Variants in KICS2 observed in about 807,000 individuals in gnomAD.
KICS2 encodes the protein KICSTOR subunit 2.
KICS2 carries 13 observed loss-of-function variants against 31.4 expected under a neutral mutation model. That is an observed-to-expected ratio of 0.41 (90% CI 0.27 to 0.66). KICS2 has a LOEUF of 0.66. Ranked by LOEUF, KICS2 falls within the 30% of genes least tolerant of loss-of-function variation. The pLI is 0.28. For missense variants in KICS2, 455 were observed against 545.4 expected (o/e 0.83, Z 1.65); for synonymous variants, 209 against 214.8 (o/e 0.97, Z 0.24).
At chr12:64,207,129 A>G (rs973427300) in intron 2 of KICS2, among the ~76,000 whole-genome samples, 3 of 151,652 alleles carry the variant, frequency 2.0e-5, no homozygotes, top group Non-Finnish European at 4.4e-5. Context: ...ACACGGCAAA[A>G]CCCCATCTCT....
At chr12:64,215,310 C>A (rs879484013) in intron 2 of KICS2, among the ~76,000 whole-genome samples, 1 of 151,998 alleles carries the variant, frequency 6.6e-6, no homozygotes, top group South Asian at 2.1e-4. Context: ...TACAATAATA[C>A]GTATTTTCAT....
chr12:64,221,958 C>G (rs199551454), intron 1 of KICS2, 45 bp downstream of exon 1: 7 of 1,574,902 alleles, frequency 4.4e-6, no homozygotes, highest in African/African-American at 2.7e-5. Flanking sequence ...GAATATACCC[C>G]CTTTACTTCC....
intron 2 of KICS2, among the ~76,000 whole-genome samples, chr12:64,210,346 CAG>C (rs1158286001): frequency 2.0e-5 from 3 of 152,176 alleles, no homozygotes; most frequent in African/African-American, 7.2e-5. Context: ...AATATCCACT[CAG>C]AGGATGAGGG....
At chr12:64,196,297 C>T (rs2136689961) in intron 2 of KICS2, among the ~76,000 whole-genome samples, 1 of 138,838 alleles carries the variant, frequency 7.2e-6, no homozygotes, top group East Asian at 2.1e-4. Flanking sequence ...TGACCCCTGA[C>T]CCCCGAGCAG....
At chr12:64,207,303 A>C (rs2037548281) in intron 2 of KICS2, among the ~76,000 whole-genome samples, 2 of 5,732 alleles carry the variant, frequency 3.5e-4, no homozygotes, top group Non-Finnish European at 2.8e-3. Flanking sequence ...ACTCGTCTCA[A>C]AAAAAAAAAA....
In KICS2 at chr12:64,194,080, A is replaced by C. The variant is rs2037408306; in HGVS notation, c.1100T>G (p.Ile367Ser). 6.2e-7 allele frequency: 1 copy of C among 1,614,068 alleles called. No homozygotes were observed. Among genetic ancestry groups the C allele is most frequent in the African/African-American group, 1.3e-5 (1 of 74,930 alleles). ...PVMHWPNVIM[I>S]MTDRTSDLNS... ...CAGATCAGATGTGCGGTCCGTCATG[A>C]TCATGATGACATTGGGCCAGTGCAT... is the stretch of plus-strand genomic sequence containing the variant. The change falls in exon 3 of 3, where the codon ATC becomes AGC. Residue 367 changes from isoleucine (I) to serine (S), a missense_variant. Ile to Ser is a moderately radical substitution (Grantham distance 142, BLOSUM62 -2). Transcript: ENST00000398055.
chr12:64,216,790 A>T (rs1214659906), intron 1 of KICS2, among the ~76,000 whole-genome samples: 1 of 152,202 alleles, frequency 6.6e-6, no homozygotes, highest in Non-Finnish European at 1.5e-5. Flanking sequence ...CTGTATGTAC[A>T]CATGAGCAAT....
At chr12:64,186,678 G>C (rs977547170), downstream of KICS2, 4 of 152,104 alleles carry the variant, frequency 2.6e-5, no homozygotes, top group Non-Finnish European at 4.4e-5. Flanking sequence ...TTTGTAGGGA[G>C]GTATGCAAGT....
downstream of KICS2, among the ~76,000 whole-genome samples, chr12:64,188,381 G>A (rs961944934): frequency 2.6e-5 from 4 of 152,080 alleles, no homozygotes; most frequent in Admixed American, 6.5e-5. Context: ...AAAATTAGCC[G>A]GGCATGGTGG....
chr12:64,199,234 C>T, intron 2 of KICS2, among the ~76,000 whole-genome samples: 1 of 57,212 alleles, frequency 1.7e-5, no homozygotes, highest in Admixed American at 2.1e-4. Flanking sequence ...TCCAGCAGCA[C>T]ATCAAAAAGC....
Position 64,208,097 on chromosome 12 carries a change from C to A in KICS2, c.521+7581G>T, listed in dbSNP as rs150093602. On this transcript the variant is annotated intron_variant, in intron 2 of 2. Transcript: ENST00000398055. ...CGATCTCAGCTCAATGCAGCCTCCACCTCCCGGGCTCAGGTGATACTCCTG... is the reference window on the plus strand; with the variant it reads ...CGATCTCAGCTCAATGCAGCCTCCAACTCCCGGGCTCAGGTGATACTCCTG... Among the ~76,000 whole-genome samples, 5 of 152,290 alleles carry A rather than the reference C, an allele frequency of 3.3e-5. No homozygotes were observed. The East Asian group carries it at 9.6e-4, about 29-fold the overall frequency.
chr12:64,217,315 CCAGA>C (rs1281713344), intron 1 of KICS2, among the ~76,000 whole-genome samples: 1 of 152,130 alleles, frequency 6.6e-6, no homozygotes, highest in Non-Finnish European at 1.5e-5. Flanking sequence ...TTCTGACACC[CCAGA>C]CAAACTACTG....
chr12:64,193,630 G>A lies in KICS2; in HGVS notation c.*212C>T. 1 of 1,384,382 alleles carries A rather than the reference G, an allele frequency of 7.2e-7. No individual in the cohort carries two copies. Among genetic ancestry groups the A allele is most frequent in the Non-Finnish European group, 9.3e-7 (1 of 1,073,344 alleles). The allele number at this position is 1,384,382 out of a possible 1,614,324, so 85.8% of individuals were successfully genotyped here. ...CTTTGCTGTACCATGGAGACACATGGTAGCCCATGACCACTTCCTAGATTA... is the reference window on the plus strand; with the variant it reads ...CTTTGCTGTACCATGGAGACACATGATAGCCCATGACCACTTCCTAGATTA... On this transcript the variant is annotated 3_prime_UTR_variant, in exon 3 of 3. Transcript: ENST00000398055.
chr12:64,215,654 TC>T (rs1471898340), intron 2 of KICS2, 23 bp downstream of exon 2: 1 of 1,590,934 alleles, frequency 6.3e-7, no homozygotes, highest in South Asian at 1.1e-5. Flanking sequence ...CCACGCTTTC[TC>T]CCTCCCTCCT....
chr12:64,193,589 GA>G lies in KICS2; in HGVS notation c.*252del. On this transcript the variant is annotated 3_prime_UTR_variant, in exon 3 of 3. Coordinates refer to ENST00000398055, the MANE Select transcript of KICS2 (RefSeq NM_152440.5). Reference sequence around the variant, plus strand: ...CTACAAGAAATATAGCAAAATAGGGGAAAATACTGAAACTACTTTGCTGTAC... The same window carrying G: ...CTACAAGAAATATAGCAAAATAGGGGAAATACTGAAACTACTTTGCTGTAC... 1 of 1,226,966 alleles carries G rather than the reference GA, an allele frequency of 8.2e-7. No individual in the cohort carries two copies. Among genetic ancestry groups the G allele is most frequent in the Non-Finnish European group, 1.0e-6 (1 of 984,020 alleles). 76.0% of individuals were successfully genotyped at this position (1,226,966 alleles called of 1,614,324 possible). A position where few individuals can be genotyped will look rare whatever the true frequency, so the allele number is the denominator to read the frequency against.
chr12:64,189,893 G>A (rs74097947), downstream of KICS2, among the ~76,000 whole-genome samples: 704 of 152,028 alleles, frequency 4.6e-3, 9 homozygotes, highest in African/African-American at 0.016. Context: ...AGAAATAAAG[G>A]AAGAAAATCA....
intron 2 of KICS2, among the ~76,000 whole-genome samples, chr12:64,196,734 C>T (rs2037443478): frequency 7.1e-6 from 1 of 140,840 alleles, no homozygotes; most frequent in South Asian, 2.4e-4. Context: ...ACTAGAATAA[C>T]CAATACAGAG....
At chr12:64,209,446 A>G (rs2037565479) in intron 2 of KICS2, among the ~76,000 whole-genome samples, 1 of 152,052 alleles carries the variant, frequency 6.6e-6, no homozygotes, top group Non-Finnish European at 1.5e-5. Context: ...TTAGCTGGGC[A>G]TGGTGGCAGG....
intron 2 of KICS2, among the ~76,000 whole-genome samples, chr12:64,208,819 T>A (rs1291662316): frequency 1.3e-5 from 2 of 152,202 alleles, no homozygotes; most frequent in African/African-American, 4.8e-5. Context: ...CCGTAGAGAT[T>A]TTTTTAATGG....
Sources: gnomAD v4.1 joint callset for allele counts (sites outside exome capture counted in the v4.1 genomes callset) on GRCh38, gnomAD v4.1.1 for gene constraint, MANE v1.5 for transcripts, NCBI Gene and HGNC (gene_info 2026-07-23, HGNC 2026-07-21) for gene names.